HDAC9: variants seen among roughly 807,000 people sequenced by gnomAD.
HDAC9 encodes histone deacetylase 9.
HDAC9 carries 41 observed loss-of-function variants against 139.4 expected under a neutral mutation model. The observed-to-expected ratio is 0.29, with a 90% CI of 0.23 to 0.38. HDAC9 has a LOEUF of 0.38. Among genes scored for constraint, HDAC9 ranks in the 10% least tolerant of loss-of-function variants. The probability of loss-of-function intolerance (pLI) is 1.00; values close to 1 mark genes in which losing one functional copy is unlikely to be tolerated. For missense variants in HDAC9, 1,147 were observed against 1,297.0 expected (o/e 0.88, Z 1.78); for synonymous variants, 517 against 476.2 (o/e 1.09, Z -1.12).
chr7:18,553,226 G>A (rs1276125134), intron 2 of HDAC9, among the ~76,000 whole-genome samples: 1 of 151,942 alleles, frequency 6.6e-6, no homozygotes, highest in African/African-American at 2.4e-5. Context: ...CCTGTTTTAC[G>A]ATAATTCTGA....
chr7:18,896,995 C>T (rs1400852398), intron 22 of HDAC9, among the ~76,000 whole-genome samples: 1 of 152,006 alleles, frequency 6.6e-6, no homozygotes, highest in Non-Finnish European at 1.5e-5. Context: ...ACTACTTCTG[C>T]ATACAATGAC....
chr7:18,354,701 G>A (rs1042672627), intron 1 of HDAC9, among the ~76,000 whole-genome samples: 2 of 152,060 alleles, frequency 1.3e-5, no homozygotes, highest in Non-Finnish European at 2.9e-5. Context: ...TAGTTATCCA[G>A]GCCCAGATTT....
chr7:18,936,228 T>C (rs1434276840), intron 23 of HDAC9, among the ~76,000 whole-genome samples: 1 of 152,132 alleles, frequency 6.6e-6, no homozygotes, highest in African/African-American at 2.4e-5. Context: ...AAACATTGAA[T>C]AAGAAATAAA....
intron 12 of HDAC9, among the ~76,000 whole-genome samples, chr7:18,675,921 T>A (rs1440217464): frequency 6.6e-6 from 1 of 151,908 alleles, no homozygotes; most frequent in Non-Finnish European, 1.5e-5. Flanking sequence ...GAATCCTGGA[T>A]TTTTTTTCAC....
At chr7:18,582,016 A>G (rs761067578) in intron 2 of HDAC9, among the ~76,000 whole-genome samples, 51 of 152,216 alleles carry the variant, frequency 3.4e-4, no homozygotes, top group Non-Finnish European at 7.3e-4. Flanking sequence ...TAAGCAACCC[A>G]AGATTGATAT....
Position 18,546,529 on chromosome 7 carries a change from C to A in HDAC9, c.23-38752C>A, listed in dbSNP as rs184960774. On this transcript the variant is annotated intron_variant, in intron 2 of 25. Transcript: ENST00000686413. ...CTCCTTATATTTCAACCTGACCTAT[C>A]CTGACACCTTCTTTCTCCTTCTCAT... is the stretch of plus-strand genomic sequence containing the variant. Among the ~76,000 whole-genome samples, 11 of 152,272 alleles carry A rather than the reference C, an allele frequency of 7.2e-5. No individual in the cohort carries two copies. In the East Asian group the frequency reaches 2.1e-3, roughly 29 times the overall value.
At chr7:18,732,137 G>A (rs925580981) in intron 13 of HDAC9, among the ~76,000 whole-genome samples, 2 of 152,186 alleles carry the variant, frequency 1.3e-5, no homozygotes, top group Non-Finnish European at 2.9e-5. Flanking sequence ...TGGGATTACA[G>A]GTGTGAGCTA....
At chr7:18,914,415 A>G (rs375388181) in intron 22 of HDAC9, among the ~76,000 whole-genome samples, 4 of 151,942 alleles carry the variant, frequency 2.6e-5, no homozygotes, top group African/African-American at 7.2e-5. Context: ...ACAGCAATCC[A>G]TAGTCCAGTA....
At position 18,585,441 on chromosome 7, in the gene HDAC9, G is replaced by A. The variant is rs1180629710; in HGVS notation, c.183G>A (p.Lys61=). The change falls in exon 3 of 26, where the codon AAG becomes AAA. Residue 61 remains lysine (K), a synonymous_variant. Coordinates refer to ENST00000686413, the MANE Select transcript of HDAC9 (RefSeq NM_178425.4). ...TCCAGCAGCAGCAACAAATCCAGAA[G>A]CAGCTTCTGATAGCAGAGTTTCAGA... ...LLIQQQQQIQ[K]QLLIAEFQKQ... 6.2e-7 allele frequency: 1 copy of A among 1,613,980 alleles called. No homozygotes were observed. The highest frequency in any genetic ancestry group is 8.5e-7 in the Non-Finnish European group (1 of 1,179,894).
At chr7:18,882,608 T>A (rs975389173) in intron 22 of HDAC9, among the ~76,000 whole-genome samples, 1 of 151,798 alleles carries the variant, frequency 6.6e-6, no homozygotes, top group Non-Finnish European at 1.5e-5. Flanking sequence ...AATATGTTTC[T>A]CACTAATTTT....
In HDAC9 at chr7:18,689,240, A is replaced by G. The variant is rs560008688; in HGVS notation, c.1731+22764A>G. Among the ~76,000 whole-genome samples, 7 of 120,686 alleles carry G rather than the reference A, an allele frequency of 5.8e-5. No individual in the cohort carries two copies. The South Asian group carries it at 1.9e-3, about 32-fold the overall frequency. 79.2% of individuals were successfully genotyped at this position (120,686 alleles called of 152,430 possible). ...ACATTATTGCAACTTCCAAATGAAT[A>G]CATTATTTCCCTCCCACCGTAGGAT... On this transcript the variant is annotated intron_variant, in intron 12 of 25. Transcript: ENST00000686413.
intron 2 of HDAC9, among the ~76,000 whole-genome samples, chr7:18,581,752 C>T (rs1333167991): frequency 6.6e-6 from 1 of 152,122 alleles, no homozygotes; most frequent in African/African-American, 2.4e-5. Flanking sequence ...TATTCAAAAT[C>T]TCATGTTACT....
rs757689693 is a variant in HDAC9 at position 18,719,331 on chromosome 7, C to CTTTTTTTTTTTTT, written c.1732-8235_1732-8223dup. Among the ~76,000 whole-genome samples, 78 of 73,898 alleles carry CTTTTTTTTTTTTT rather than the reference C, an allele frequency of 1.1e-3. 4 individuals carry two copies. Among genetic ancestry groups the CTTTTTTTTTTTTT allele is most frequent in the African/African-American group, 1.3e-3 (19 of 15,200 alleles). The allele number at this position is 73,898 out of a possible 152,430, so 48.5% of individuals were successfully genotyped here. ...CTAATTAACCTATTTTTTTCTCTTCCTTTTTTTTTTTTTTTTTTTTTTTTT... is the reference window on the plus strand; with the variant it reads ...CTAATTAACCTATTTTTTTCTCTTCCTTTTTTTTTTTTTTTTTTTTTTTTTTTTTTTTTTTTTT... On this transcript the variant is annotated intron_variant, in intron 12 of 25. Coordinates refer to ENST00000686413, the MANE Select transcript of HDAC9 (RefSeq NM_178425.4).
At chr7:18,769,297 A>T (rs768734005) in intron 16 of HDAC9, among the ~76,000 whole-genome samples, 1 of 152,180 alleles carries the variant, frequency 6.6e-6, no homozygotes, top group African/African-American at 2.4e-5. Flanking sequence ...AAACTCTTCA[A>T]AATGACCAAG....
intron 1 of HDAC9, among the ~76,000 whole-genome samples, chr7:18,387,443 T>A (rs1013265552): frequency 6.6e-6 from 1 of 152,240 alleles, no homozygotes; most frequent in African/African-American, 2.4e-5. Flanking sequence ...ATTGCCTGTG[T>A]TGTATTTCTC....
chr7:18,859,138 G>A (rs1378445304), intron 21 of HDAC9, among the ~76,000 whole-genome samples: 2 of 151,896 alleles, frequency 1.3e-5, no homozygotes, highest in Non-Finnish European at 2.9e-5. Flanking sequence ...GTCTATAATT[G>A]GGATCAAAGT....
intron 2 of HDAC9, among the ~76,000 whole-genome samples, chr7:18,523,630 G>T (rs1805798636): frequency 6.6e-6 from 1 of 152,202 alleles, no homozygotes; most frequent in South Asian, 2.1e-4. Flanking sequence ...GTATATGTGT[G>T]TGTGTGTTGG....
chr7:18,890,438 C>G (rs1800577268), intron 22 of HDAC9, among the ~76,000 whole-genome samples: 1 of 152,162 alleles, frequency 6.6e-6, no homozygotes, highest in Admixed American at 6.5e-5. Flanking sequence ...TTTTGGAGAT[C>G]TGCCCATAGG....
chr7:18,657,865 G>T (rs1172536134), intron 11 of HDAC9, among the ~76,000 whole-genome samples: 3 of 152,034 alleles, frequency 2.0e-5, no homozygotes, highest in African/African-American at 2.4e-5. Context: ...GGCCTACAAG[G>T]CTGTCATGAT....
Sources: allele counts gnomAD v4.1 joint callset (sites outside exome capture counted in the v4.1 genomes callset), GRCh38; gene constraint gnomAD v4.1.1; transcripts MANE v1.5; gene names NCBI Gene and HGNC (gene_info 2026-07-23, HGNC 2026-07-21).